The following SUPT3H variants were observed in gnomAD, a reference collection of about 807,000 sequenced individuals.
SUPT3H encodes transcription initiation protein SPT3 homolog.
A neutral mutation model predicts 44.3 loss-of-function variants in SUPT3H; 44 were observed. That is an observed-to-expected ratio of 0.99 (90% confidence interval 0.78 to 1.28). SUPT3H has a LOEUF of 1.28. Ranked by LOEUF, SUPT3H falls within the 50% of genes most tolerant of loss-of-function variation. The pLI is 0.00. For missense variants in SUPT3H, 380 were observed against 387.1 expected (o/e 0.98, Z 0.15); for synonymous variants, 124 against 125.6 (o/e 0.99, Z 0.09).
rs150955008 is a variant in SUPT3H, at chr6:44,886,897, A to T, written c.912+45756T>A. On this transcript the variant is annotated intron_variant, in intron 10 of 10. Transcript: ENST00000371459. ...CATCTCACATGCGGAGACACACAGA[A>T]GCTCAAAATAAAAGGATGGAGGAAG... is the stretch of plus-strand genomic sequence containing the variant. Among the ~76,000 whole-genome samples the T allele has an allele frequency of 4.7e-3, 719 of 152,276 alleles. 9 individuals are homozygous for T. Among genetic ancestry groups the T allele is most frequent in the African/African-American group, 0.016 (671 of 41,558 alleles).
At chr6:45,309,406 CAGA>C (rs1441803504) in intron 2 of SUPT3H, among the ~76,000 whole-genome samples, 1 of 150,776 alleles carries the variant, frequency 6.6e-6, no homozygotes, top group Non-Finnish European at 1.5e-5. Context: ...ACTGATCAAG[CAGA>C]AGATCTGTGA....
At chr6:44,919,579 A>G (rs1052599450) in intron 10 of SUPT3H, among the ~76,000 whole-genome samples, 2 of 151,524 alleles carry the variant, frequency 1.3e-5, no homozygotes, top group African/African-American at 4.9e-5. Flanking sequence ...CAAGTTCTTC[A>G]TTAAGTATAT....
At chr6:45,173,407 G>C (rs981130003) in intron 2 of SUPT3H, among the ~76,000 whole-genome samples, 7 of 152,152 alleles carry the variant, frequency 4.6e-5, no homozygotes, top group African/African-American at 1.7e-4. Context: ...TGTGCTAAGA[G>C]CTTCATAAAC....
At chr6:45,283,382 T>C (rs1235044787) in intron 2 of SUPT3H, among the ~76,000 whole-genome samples, 2 of 151,798 alleles carry the variant, frequency 1.3e-5, no homozygotes, top group Non-Finnish European at 2.9e-5. Flanking sequence ...AATAAAGGGA[T>C]GGAGGAAGAT....
intron 10 of SUPT3H, among the ~76,000 whole-genome samples, chr6:44,882,443 T>C (rs963053610): frequency 4.6e-5 from 7 of 152,226 alleles, no homozygotes; most frequent in African/African-American, 1.2e-4. Flanking sequence ...CACAGCCGAA[T>C]TCTACCAGAG....
intron 2 of SUPT3H, among the ~76,000 whole-genome samples, chr6:45,221,923 G>A (rs1412070417): frequency 5.9e-5 from 9 of 152,022 alleles, no homozygotes; most frequent in Admixed American, 5.9e-4. Context: ...ACTGTAGATG[G>A]ACAAAAACAT....
At chr6:44,973,988 G>C (rs1777959779) in intron 6 of SUPT3H, among the ~76,000 whole-genome samples, 1 of 152,050 alleles carries the variant, frequency 6.6e-6, no homozygotes, top group Admixed American at 6.5e-5. Context: ...ATTTGGGTGG[G>C]GACACAGCCA....
chr6:44,817,217 G>GTAATC (rs1345559155), intron 11 of SUPT3H, among the ~76,000 whole-genome samples: 2 of 147,724 alleles, frequency 1.4e-5, no homozygotes. Context: ...ATCAATCAAC[G>GTAATC]TAATCTATCA....
At chr6:44,981,958 T>C (rs1779151538) in intron 6 of SUPT3H, among the ~76,000 whole-genome samples, 1 of 151,906 alleles carries the variant, frequency 6.6e-6, no homozygotes, top group South Asian at 2.1e-4. Context: ...GGAGGATCGC[T>C]TGAGCACAGG....
chr6:45,269,383 C>G lies in SUPT3H; in HGVS notation c.101+95818G>C, dbSNP rs1775756685. On this transcript the variant is annotated intron_variant, in intron 2 of 10. Transcript: ENST00000371459. ...TATTTAGAACATATTTTAGAAAACG[C>G]TAAAGAAACAATTACTTCCTCAGAC... 2.0e-5 allele frequency among the ~76,000 whole-genome samples: 3 copies of G among 152,134 alleles called. No homozygotes were observed. The South Asian group carries it at 6.2e-4, about 31-fold the overall frequency.
chr6:44,911,287 A>T (rs1428982676), intron 10 of SUPT3H, among the ~76,000 whole-genome samples: 2 of 151,550 alleles, frequency 1.3e-5, no homozygotes, highest in Non-Finnish European at 2.9e-5. Flanking sequence ...CACATGTTTG[A>T]CAGTGGTTGC....
chr6:45,032,517 A>G (rs1787100256), intron 3 of SUPT3H, among the ~76,000 whole-genome samples: 1 of 152,208 alleles, frequency 6.6e-6, no homozygotes, highest in South Asian at 2.1e-4. Flanking sequence ...GATTCCACTA[A>G]TAACTTGGTA....
intron 2 of SUPT3H, among the ~76,000 whole-genome samples, chr6:45,265,456 G>T (rs1051372903): frequency 7.2e-5 from 11 of 152,060 alleles, no homozygotes; most frequent in African/African-American, 2.4e-4. Context: ...GTCCGGCTAG[G>T]TCTTAAATAA....
At chr6:45,179,616 A>G (rs1284931211) in intron 2 of SUPT3H, among the ~76,000 whole-genome samples, 1 of 152,214 alleles carries the variant, frequency 6.6e-6, no homozygotes, top group African/African-American at 2.4e-5. Flanking sequence ...CAACGGAACC[A>G]AAGACAAAAA....
intron 5 of SUPT3H, among the ~76,000 whole-genome samples, chr6:45,012,850 G>C (rs902205737): frequency 6.6e-6 from 1 of 152,112 alleles, no homozygotes; most frequent in Non-Finnish European, 1.5e-5. Context: ...GGCTGAACTA[G>C]TACAATGAAG....
intron 2 of SUPT3H, among the ~76,000 whole-genome samples, chr6:45,338,402 C>A (rs1407528065): frequency 2.0e-5 from 3 of 151,208 alleles, no homozygotes; most frequent in Non-Finnish European, 4.4e-5. Flanking sequence ...AATAAAAATA[C>A]AATAAAACTG....
intron 10 of SUPT3H, among the ~76,000 whole-genome samples, chr6:44,921,912 C>T (rs1057039644): frequency 2.6e-5 from 4 of 152,216 alleles, no homozygotes; most frequent in African/African-American, 4.8e-5. Context: ...ACCTTGAATG[C>T]GCCTGGGCAA....
intron 10 of SUPT3H, among the ~76,000 whole-genome samples, chr6:44,909,142 C>CGT (rs34494107): frequency 0.39 from 57,148 of 146,788 alleles, 11,174 homozygotes; most frequent in East Asian, 0.57. Context: ...TGTGTGTGTG[C>CGT]GTGTGTGTGT....
chr6:45,240,210 C>A (rs1022120724), intron 2 of SUPT3H, among the ~76,000 whole-genome samples: 1 of 152,108 alleles, frequency 6.6e-6, no homozygotes, highest in Non-Finnish European at 1.5e-5. Context: ...CAGTTGCAGC[C>A]ATGTTGACAC....
Sources: allele counts gnomAD v4.1 joint callset (sites outside exome capture counted in the v4.1 genomes callset), GRCh38; gene constraint gnomAD v4.1.1; transcripts MANE v1.5; gene names NCBI Gene and HGNC (gene_info 2026-07-23, HGNC 2026-07-21).